PCDHGB3: variants seen among roughly 807,000 people sequenced by gnomAD.
The protein encoded by PCDHGB3 is protocadherin gamma subfamily B, 3.
A neutral mutation model predicts 59.2 loss-of-function variants in PCDHGB3; 40 were observed. That is an observed-to-expected ratio of 0.68 (90% CI 0.52 to 0.88). PCDHGB3 has a LOEUF of 0.88. Ranked by LOEUF, PCDHGB3 falls within the 40% of genes least tolerant of loss-of-function variation. The probability of loss-of-function intolerance (pLI) is 0.00; values close to 1 mark genes in which losing one functional copy is unlikely to be tolerated. For missense variants in PCDHGB3, 1,309 were observed against 1,187.9 expected, an observed-to-expected ratio of 1.10 and a Z score of -1.50; for synonymous variants, 581 against 503.6, an observed-to-expected ratio of 1.15 and a Z score of -2.06.
In PCDHGB3 at chr5:141,393,830, T is replaced by C. The variant is rs926004105; in HGVS notation, c.2415+21021T>C. The C allele has an allele frequency of 1.7e-5, 27 of 1,613,872 alleles. No homozygotes were observed. In the African/African-American group the frequency reaches 3.2e-4, roughly 19 times the overall value. On this transcript the variant is annotated intron_variant, in intron 1 of 3. Coordinates refer to ENST00000576222, the MANE Select transcript of PCDHGB3 (RefSeq NM_018924.5). ...CCAAATTGCTCATTTCGGTGGAAGA[T>C]GTAAATGACAATAGACCAGAAGTGA... is the stretch of plus-strand genomic sequence containing the variant.
chr5:141,486,211 T>C lies in PCDHGB3; in HGVS notation c.2416-8596T>C, dbSNP rs779905477. On this transcript the variant is annotated intron_variant, in intron 1 of 3. Coordinates refer to ENST00000576222, the MANE Select transcript of PCDHGB3 (RefSeq NM_018924.5). The surrounding 1 kb of genome is among the most constrained non-coding windows in gnomAD (Gnocchi z 5.0). ...TGGATCTGCTGGACGTAAATGACAA[T>C]GCCCCTTACATCACAGTGACCTCAG... 6.2e-7 allele frequency: 1 copy of C among 1,614,142 alleles called. No homozygotes were observed. Among genetic ancestry groups the C allele is most frequent in the Non-Finnish European group, 8.5e-7 (1 of 1,180,024 alleles).
In PCDHGB3 at chr5:141,372,310, G is replaced by A. The variant is rs1768642217; in HGVS notation, c.1916G>A (p.Arg639His). 2.5e-6 allele frequency: 4 copies of A among 1,613,452 alleles called. No homozygotes were observed. The highest frequency in any genetic ancestry group is 2.5e-6 in the Non-Finnish European group (3 of 1,179,886). The change falls in exon 1 of 4, where the codon CGC becomes CAC. Residue 639 changes from arginine (R) to histidine (H), a missense_variant. By Grantham distance (29) the Arg-to-His change is conservative. Coordinates refer to ENST00000576222, the MANE Select transcript of PCDHGB3 (RefSeq NM_018924.5). ...ACCTTGGGCGACAGGGAGGCCGCCC[G>A]CCAGCGCCTGCTGGTCACTGTGCGT... Reference protein sequence around the residue: ...ARTLGDREAARQRLLVTVRDG... With the variant: ...ARTLGDREAAHQRLLVTVRDG...
chr5:141,403,006 G>T, intron 1 of PCDHGB3: 3 of 1,614,006 alleles, frequency 1.9e-6, no homozygotes, highest in African/African-American at 1.3e-5. Context: ...TGCTATGCTC[G>T]CTCCTGGGGA....
At chr5:141,389,466 C>T (rs760000487) in intron 1 of PCDHGB3, 1 of 1,613,330 alleles carries the variant, frequency 6.2e-7, no homozygotes, top group East Asian at 2.2e-5. Flanking sequence ...CGCCTTCGAA[C>T]TCACACTGCA....
chr5:141,409,945 T>C (rs777813706), intron 1 of PCDHGB3: 11 of 1,613,312 alleles, frequency 6.8e-6, no homozygotes, highest in Non-Finnish European at 9.3e-6. Flanking sequence ...TACCTCGCTC[T>C]GCAGAGCCCG....
chr5:141,374,385 G>A (rs1588739577), intron 1 of PCDHGB3: 3 of 1,614,026 alleles, frequency 1.9e-6, no homozygotes, highest in African/African-American at 1.3e-5. Flanking sequence ...CAGAGCCCGC[G>A]GTGTCTGGTG....
At chr5:141,435,510 T>C (rs72790047) in intron 1 of PCDHGB3, among the ~76,000 whole-genome samples, 9,714 of 152,280 alleles carry the variant, frequency 0.064, 363 homozygotes, top group African/African-American at 0.099. Context: ...ATGATACTAA[T>C]GATGACTTTG....
intron 1 of PCDHGB3, chr5:141,478,026 C>G: frequency 6.2e-7 from 1 of 1,614,180 alleles, no homozygotes; most frequent in Non-Finnish European, 8.5e-7. Flanking sequence ...GTCCAAGACA[C>G]AGATTCACCC....
At chr5:141,504,995 G>A (rs1214858212) in intron 2 of PCDHGB3, among the ~76,000 whole-genome samples, 6 of 151,980 alleles carry the variant, frequency 3.9e-5, no homozygotes, top group African/African-American at 1.5e-4. Context: ...AACCCCGTCT[G>A]TACTAAAAAT....
intron 1 of PCDHGB3, chr5:141,419,521 C>T (rs1418329404): frequency 1.2e-6 from 2 of 1,612,122 alleles, no homozygotes; most frequent in East Asian, 2.2e-5. Context: ...TGGTGGGCGA[C>T]CGTAACGACA....
chr5:141,498,053 G>A (rs2099781284), intron 2 of PCDHGB3, among the ~76,000 whole-genome samples: 1 of 152,204 alleles, frequency 6.6e-6, no homozygotes, highest in Non-Finnish European at 1.5e-5. Flanking sequence ...AAATAAATGT[G>A]AGACTGAAAC....
chr5:141,419,737 G>C lies in PCDHGB3; in HGVS notation c.2415+46928G>C, dbSNP rs201663350. The C allele has an allele frequency of 1.9e-6, 3 of 1,613,718 alleles. No homozygotes were observed. In the African/African-American group the frequency reaches 4.0e-5, roughly 22 times the overall value. Reference sequence around the variant, plus strand: ...GCCTGGGGCTGCGAACAGGCGAGGTGCGCATGGTGCGTGCTTTGGGTGACA... The same window carrying C: ...GCCTGGGGCTGCGAACAGGCGAGGTCCGCATGGTGCGTGCTTTGGGTGACA... On this transcript the variant is annotated intron_variant, in intron 1 of 3. Transcript: ENST00000576222.
At chr5:141,393,211 T>G (rs1310978287) in intron 1 of PCDHGB3, 3 of 1,613,502 alleles carry the variant, frequency 1.9e-6, no homozygotes, top group Non-Finnish European at 1.7e-6. Flanking sequence ...AACCCAAAAT[T>G]CCAGGTCGAA....
At chr5:141,463,847 G>T (rs922334975) in intron 1 of PCDHGB3, among the ~76,000 whole-genome samples, 9 of 152,158 alleles carry the variant, frequency 5.9e-5, no homozygotes, top group African/African-American at 2.2e-4. Context: ...TGTTATAGTG[G>T]TATATCTGGT....
rs76218301 is a variant in PCDHGB3 at position 141,380,317 on chromosome 5, A to G, written c.2415+7508A>G. On this transcript the variant is annotated intron_variant, in intron 1 of 3. Transcript: ENST00000576222. ...CCTATATCTTTGCTTGAGAATGAAA[A>G]TCTAAATGGAACTTCAAAGAACTGT... is the stretch of plus-strand genomic sequence containing the variant. Among the ~76,000 whole-genome samples the G allele has an allele frequency of 1.7e-4, 26 of 152,324 alleles. No individual in the cohort carries two copies. The East Asian group carries it at 5.0e-3, about 29-fold the overall frequency.
chr5:141,398,975 G>A, intron 1 of PCDHGB3: 2 of 1,613,926 alleles, frequency 1.2e-6, no homozygotes, highest in Middle Eastern at 1.6e-4. Context: ...TCCTTCTACA[G>A]AACCGGGCAA....
chr5:141,429,377 GTT>G (rs566693637), intron 1 of PCDHGB3, among the ~76,000 whole-genome samples: 7 of 149,436 alleles, frequency 4.7e-5, no homozygotes, highest in African/African-American at 1.7e-4. Flanking sequence ...GAGAAAATGT[GTT>G]TTTTTTTTAA....
intron 1 of PCDHGB3, among the ~76,000 whole-genome samples, chr5:141,438,593 T>C (rs982159150): frequency 4.1e-5 from 3 of 73,984 alleles, no homozygotes; most frequent in Non-Finnish European, 5.5e-5. Flanking sequence ...CATACATACA[T>C]ATATATATAT....
rs529966095 is a variant in PCDHGB3 at position 141,499,776 on chromosome 5, TC to T, written c.2474+4914del. 3.7e-3 allele frequency among the ~76,000 whole-genome samples: 528 copies of T among 141,410 alleles called. 6 individuals carry two copies. Among genetic ancestry groups the T allele is most frequent in the Non-Finnish European group, 4.2e-3 (282 of 66,550 alleles). The allele number at this position is 141,410 out of a possible 152,430, so 92.8% of individuals were successfully genotyped here. ...ATCTCAGCTCACTGCAGCCTTCGCCTCCCGGGTTCAAGCAATTCTCATGCTT... is the reference window on the plus strand; with the variant it reads ...ATCTCAGCTCACTGCAGCCTTCGCCTCCGGGTTCAAGCAATTCTCATGCTT... On this transcript the variant is annotated intron_variant, in intron 2 of 3. Coordinates refer to ENST00000576222, the MANE Select transcript of PCDHGB3 (RefSeq NM_018924.5).
Sources: allele counts gnomAD v4.1 joint callset (sites outside exome capture counted in the v4.1 genomes callset), GRCh38; gene constraint gnomAD v4.1.1; non-coding constraint Gnocchi (gnomAD v3.1); transcripts MANE v1.5; gene names NCBI Gene and HGNC (gene_info 2026-07-23, HGNC 2026-07-21).